The following USP25 variants were observed in gnomAD, a reference collection of about 807,000 sequenced individuals.
USP25 encodes ubiquitin specific peptidase 25, also known as ubiquitin carboxyl-terminal hydrolase 25.
In USP25, 85 loss-of-function variants were observed where a neutral mutation model predicts 158.5. The ratio of observed to expected loss-of-function variants is 0.54; its 90% CI spans 0.45 to 0.64. The LOEUF (loss-of-function observed/expected upper bound fraction) is 0.64, where lower values mean the gene tolerates loss of function less well. Among genes scored for constraint, USP25 ranks in the 30% least tolerant of loss-of-function variants. USP25 has a pLI of 0.00. For synonymous variants in USP25, 464 were observed against 460.4 expected (o/e 1.01, Z -0.10); for missense variants, 1,242 against 1,327.3 (o/e 0.94, Z 1.00).
chr21:15,765,471 C>G (rs1303024737), intron 2 of USP25, among the ~76,000 whole-genome samples: 2 of 151,994 alleles, frequency 1.3e-5, no homozygotes, highest in African/African-American at 4.8e-5. Context: ...GTCTAGAGTT[C>G]TGTGTGTCTT....
At chr21:15,857,844 T>G (rs1267728841) in intron 20 of USP25, among the ~76,000 whole-genome samples, 1 of 152,128 alleles carries the variant, frequency 6.6e-6, no homozygotes, top group Non-Finnish European at 1.5e-5. Flanking sequence ...GATTACAGGA[T>G]AGAAGATTTT....
chr21:15,834,754 G>A (rs1477717445), intron 17 of USP25, among the ~76,000 whole-genome samples: 2 of 152,124 alleles, frequency 1.3e-5, no homozygotes, highest in Non-Finnish European at 2.9e-5. Flanking sequence ...AAAGATAATG[G>A]TATCACAGCA....
intron 1 of USP25, among the ~76,000 whole-genome samples, chr21:15,760,732 A>G (rs1328528532): frequency 6.6e-6 from 1 of 152,190 alleles, no homozygotes; most frequent in East Asian, 1.9e-4. Flanking sequence ...AAGTTGCAAG[A>G]CTTAGTACAC....
chr21:15,750,879 A>C (rs139239373), intron 1 of USP25, among the ~76,000 whole-genome samples: 1 of 151,794 alleles, frequency 6.6e-6, no homozygotes, highest in African/African-American at 2.4e-5. Flanking sequence ...CCGCCTCCCA[A>C]AGTGCTTGGA....
intron 5 of USP25, among the ~76,000 whole-genome samples, chr21:15,793,026 C>T (rs1239029383): frequency 6.6e-6 from 1 of 150,632 alleles, no homozygotes. Context: ...CTTGCGCTAT[C>T]TATTAAGAAG....
rs370661687 is a variant in USP25 at position 15,826,961 on chromosome 21, C to G, written c.1467-16C>G. The G allele has an allele frequency of 8.6e-5, 138 of 1,611,092 alleles. No individual in the cohort carries two copies. The African/African-American group carries it at 1.5e-3, about 18-fold the overall frequency. On this transcript the variant is annotated splice_polypyrimidine_tract_variant and intron_variant, in intron 13 of 25. Transcript: ENST00000400183. This position sits in a 1 kb window ranked among gnomAD's most constrained non-coding sequence, Gnocchi z 4.8. ...GCTTGAAAGGTTAATAAGAAATACT[C>G]TATGCTTTGATACAGCACAACAGAA...
intron 2 of USP25, among the ~76,000 whole-genome samples, chr21:15,765,534 A>G (rs758143529): frequency 2.0e-5 from 3 of 152,016 alleles, no homozygotes; most frequent in Non-Finnish European, 4.4e-5. Flanking sequence ...TTTTCTTCCC[A>G]TGAGTCCTTG....
intron 10 of USP25, among the ~76,000 whole-genome samples, chr21:15,822,889 A>C (rs1186548888): frequency 1.3e-5 from 2 of 152,024 alleles, no homozygotes; most frequent in Non-Finnish European, 2.9e-5. Flanking sequence ...CTTTCAGTAA[A>C]AGATAACCAT....
chr21:15,817,404 A>G (rs2146322082), intron 9 of USP25, among the ~76,000 whole-genome samples: 1 of 152,276 alleles, frequency 6.6e-6, no homozygotes, highest in South Asian at 2.1e-4. Context: ...AGATTCTGCA[A>G]TAGTCTTTTA....
intron 15 of USP25, 40 bp from the exon 16 acceptor site, chr21:15,831,361 T>A: frequency 6.3e-7 from 1 of 1,583,386 alleles, no homozygotes; most frequent in Non-Finnish European, 8.7e-7. Flanking sequence ...TATAGTAAAC[T>A]ACATAATTGC....
intron 17 of USP25, among the ~76,000 whole-genome samples, chr21:15,838,464 A>G (rs1446610699): frequency 6.6e-6 from 1 of 152,032 alleles, no homozygotes; most frequent in East Asian, 1.9e-4. Flanking sequence ...TTTGTCCCGG[A>G]TAAATTTATG....
At chr21:15,805,284 A>C in intron 7 of USP25, 26 bp downstream of exon 7, 1 of 1,557,048 alleles carries the variant, frequency 6.4e-7, no homozygotes. Context: ...TGACTTGTTC[A>C]TTAACCATTT....
chr21:15,872,737 G>A lies in USP25; in HGVS notation c.2886-1666G>A, dbSNP rs549769789. ...CCTATTTATCATGACACCTTCAGGTGTGTAATTTGATTTGCCATGAATGTA... is the reference window on the plus strand; with the variant it reads ...CCTATTTATCATGACACCTTCAGGTATGTAATTTGATTTGCCATGAATGTA... On this transcript the variant is annotated intron_variant, in intron 23 of 25. Coordinates refer to ENST00000400183, the MANE Select transcript of USP25 (RefSeq NM_001283041.3). Among the ~76,000 whole-genome samples the A allele has an allele frequency of 9.2e-5, 14 of 152,258 alleles. 1 individual carries two copies. In the South Asian group the frequency reaches 2.5e-3, roughly 27 times the overall value.
intron 4 of USP25, among the ~76,000 whole-genome samples, chr21:15,784,480 G>A (rs2035162218): frequency 6.6e-6 from 1 of 152,102 alleles, no homozygotes; most frequent in African/African-American, 2.4e-5. Flanking sequence ...GCTGAGACAG[G>A]AGAATTGCTT....
In USP25 at chr21:15,864,301, T is replaced by A. The variant is rs765736459; in HGVS notation, c.2581T>A (p.Leu861Met). The change falls in exon 21 of 26, where the codon TTG (leucine) becomes ATG (methionine). Residue 861 changes from leucine (L) to methionine (M), a missense_variant. This residue lies in a region of USP25 where 608 missense variants were observed against 605.2 expected (regional missense o/e 1.00). Coordinates refer to ENST00000400183, the MANE Select transcript of USP25 (RefSeq NM_001283041.3). ...GTTGGAATATGCAAGGTTGGTTAAG[T>A]TGGCCCAAGAAGACACCCCACCAGA... ...IKLEYARLVK[L>M]AQEDTPPETD... is the part of the protein sequence containing the mutation. 1 of 1,609,572 alleles carries A rather than the reference T, an allele frequency of 6.2e-7. No homozygotes were observed. Among genetic ancestry groups the A allele is most frequent in the Non-Finnish European group, 8.5e-7 (1 of 1,178,878 alleles).
intron 4 of USP25, among the ~76,000 whole-genome samples, chr21:15,787,884 A>T (rs1786392456): frequency 7.4e-5 from 11 of 148,794 alleles, no homozygotes; most frequent in Admixed American, 7.4e-4. Context: ...AAAAACAATA[A>T]AATAATAACA....
chr21:15,815,015 C>T (rs963604220), intron 9 of USP25, among the ~76,000 whole-genome samples: 22 of 152,142 alleles, frequency 1.4e-4, no homozygotes, highest in African/African-American at 4.8e-4. Flanking sequence ...CGTGGGCTGC[C>T]CGTGGTACTC....
In USP25 at chr21:15,848,589, T is replaced by G. The variant is rs556047238; in HGVS notation, c.2451+813T>G. ...GGAAAAATGCTTGTTGGATTCTAGT[T>G]TTTGTGGGTTTGTATAAGAATTGCA... On this transcript the variant is annotated intron_variant, in intron 19 of 25. Coordinates refer to ENST00000400183, the MANE Select transcript of USP25 (RefSeq NM_001283041.3). Among the ~76,000 whole-genome samples, 223 of 152,158 alleles carry G rather than the reference T, an allele frequency of 1.5e-3. 1 individual carries two copies. Among genetic ancestry groups the G allele is most frequent in the African/African-American group, 5.2e-3 (217 of 41,522 alleles).
At chr21:15,830,863 C>T (rs1214974822) in intron 15 of USP25, among the ~76,000 whole-genome samples, 1 of 151,994 alleles carries the variant, frequency 6.6e-6, no homozygotes, top group Non-Finnish European at 1.5e-5. Flanking sequence ...GTGTTGTGTA[C>T]CCTTACTATT....
Sources: allele counts gnomAD v4.1 joint callset (sites outside exome capture counted in the v4.1 genomes callset), GRCh38; gene constraint gnomAD v4.1.1; regional missense constraint gnomAD v4.1.1; non-coding constraint Gnocchi (gnomAD v3.1); transcripts MANE v1.5; gene names NCBI Gene and HGNC (gene_info 2026-07-23, HGNC 2026-07-21).